The following TOLLIP variants were observed in gnomAD, a reference collection of about 807,000 sequenced individuals.
TOLLIP encodes the protein toll interacting protein, also known as toll-interacting protein.
A neutral mutation model predicts 33.5 loss-of-function variants in TOLLIP; 16 were observed. The ratio of observed to expected loss-of-function variants is 0.48; its 90% CI spans 0.32 to 0.72. The LOEUF is 0.72. Among genes scored for constraint, TOLLIP ranks in the 30% least tolerant of loss-of-function variants. The probability of loss-of-function intolerance (pLI) is 0.03; values close to 1 mark genes in which losing one functional copy is unlikely to be tolerated. For synonymous variants in TOLLIP, 176 were observed against 163.7 expected, an observed-to-expected ratio of 1.07 and a Z score of -0.57; for missense variants, 325 against 396.6, an observed-to-expected ratio of 0.82 and a Z score of 1.53.
rs569777034 is a variant in TOLLIP at position 1,290,438 on chromosome 11, A to T, written c.184-29T>A. On this transcript the variant is annotated intron_variant, in intron 2 of 5. Transcript: ENST00000317204. This position sits in a 1 kb window ranked among gnomAD's most constrained non-coding sequence, Gnocchi z 4.9. Reference sequence around the variant, plus strand: ...GAATGAAGCCAATGTCAGGAAAAGGAGGTGCCAACCATCAGGAGAGGGTGG... The same window carrying T: ...GAATGAAGCCAATGTCAGGAAAAGGTGGTGCCAACCATCAGGAGAGGGTGG... 1 of 1,605,786 alleles carries T rather than the reference A, an allele frequency of 6.2e-7. No homozygotes were observed. The highest frequency in any genetic ancestry group is 1.7e-5 in the Admixed American group (1 of 59,880).
rs56199234 is a variant in TOLLIP, at chr11:1,283,818, G to A, written c.610+2184C>T. On this transcript the variant is annotated intron_variant, in intron 5 of 5. Transcript: ENST00000317204. ...CCAAAAAGACAGCCACAGAGCGCCC[G>A]GCCCAGAAGTTGGAGGAGACGGGGA... Among the ~76,000 whole-genome samples, 778 of 152,286 alleles carry A rather than the reference G, an allele frequency of 5.1e-3. 7 individuals carry two copies. The highest frequency in any genetic ancestry group is 0.018 in the African/African-American group (739 of 41,560).
In TOLLIP at chr11:1,278,536, A is replaced by G. The variant is rs998936163; in HGVS notation, c.611-1283T>C. Among the ~76,000 whole-genome samples the G allele has an allele frequency of 2.2e-4, 34 of 152,274 alleles. No individual in the cohort carries two copies. The highest frequency in any genetic ancestry group is 7.2e-4 in the Admixed American group (11 of 15,300). On this transcript the variant is annotated intron_variant, in intron 5 of 5. Coordinates refer to ENST00000317204, the MANE Select transcript of TOLLIP (RefSeq NM_019009.4). This position sits in a 1 kb window ranked among gnomAD's most constrained non-coding sequence, Gnocchi z 4.7. ...GCCTCCTGCACCTGCTGCAAAGGCC[A>G]GGACTCCTCAGCAAGGAAGGCCACC...
At chr11:1,296,294 C>T (rs962484128) in intron 1 of TOLLIP, among the ~76,000 whole-genome samples, 1 of 152,150 alleles carries the variant, frequency 6.6e-6, no homozygotes, top group East Asian at 1.9e-4. Flanking sequence ...CAAAAGTATC[C>T]CAGAAGAACG....
intron 1 of TOLLIP, among the ~76,000 whole-genome samples, chr11:1,296,839 G>C (rs1290593537): frequency 1.5e-5 from 1 of 67,050 alleles, no homozygotes; most frequent in Non-Finnish European, 2.8e-5. Context: ...CCTGGTTGCT[G>C]GTGGAGTGGG....
intron 1 of TOLLIP, among the ~76,000 whole-genome samples, chr11:1,301,391 A>G (rs5743907): frequency 0.86 from 130,017 of 150,340 alleles, 56,641 homozygotes; most frequent in Non-Finnish European, 0.92. Flanking sequence ...CGGCATCCGC[A>G]GGCGCCTGCC....
chr11:1,295,810 C>T lies in TOLLIP; in HGVS notation c.34-16G>A. On this transcript the variant is annotated splice_polypyrimidine_tract_variant and intron_variant, in intron 1 of 5. Transcript: ENST00000317204. ...CGATGTACACCTGCGGGGCCGGGGA[C>T]CAGAGAGGCCAGTGAGTCAGGGTGG... 6.5e-7 allele frequency: 1 copy of T among 1,537,124 alleles called. No homozygotes were observed.
intron 1 of TOLLIP, among the ~76,000 whole-genome samples, chr11:1,298,822 T>A (rs558617412): frequency 6.6e-6 from 1 of 152,026 alleles, no homozygotes; most frequent in Non-Finnish European, 1.5e-5. Flanking sequence ...ACATCTGGGT[T>A]TTCTTCCCAA....
chr11:1,304,757 T>C (rs1415824613), intron 1 of TOLLIP, among the ~76,000 whole-genome samples: 1 of 152,144 alleles, frequency 6.6e-6, no homozygotes, highest in African/African-American at 2.4e-5. Flanking sequence ...AACAACTGAA[T>C]TTTTTAAAAC....
chr11:1,308,148 T>C (rs1469780492), intron 1 of TOLLIP, among the ~76,000 whole-genome samples: 1 of 152,220 alleles, frequency 6.6e-6, no homozygotes, highest in South Asian at 2.1e-4. Flanking sequence ...ACGGTTTGAA[T>C]CTGTGTCCCC....
At position 1,275,431 on chromosome 11, in the gene TOLLIP, C is replaced by G. The variant is rs947978501; in HGVS notation, c.*1608G>C. ...ACGTTCCAGTCCCGCCTGACACCTT[C>G]ATTCCCAATGGAGAAGAAATCTACA... On this transcript the variant is annotated 3_prime_UTR_variant, in exon 6 of 6. Transcript: ENST00000317204. 9.3e-5 allele frequency: 14 copies of G among 150,644 alleles called. No homozygotes were observed. The highest frequency in any genetic ancestry group is 3.4e-4 in the African/African-American group (14 of 40,768). 9.3% of individuals were successfully genotyped at this position (150,644 alleles called of 1,614,324 possible). A position where few individuals can be genotyped will look rare whatever the true frequency, so the allele number is the denominator to read the frequency against.
At chr11:1,309,267 G>A (rs1864520313) in intron 1 of TOLLIP, among the ~76,000 whole-genome samples, 199 bp downstream of exon 1, 1 of 152,084 alleles carries the variant, frequency 6.6e-6, no homozygotes. Context: ...GCCTCCTGCA[G>A]CGTGGGCGCG....
intron 5 of TOLLIP, among the ~76,000 whole-genome samples, chr11:1,281,049 C>T (rs936392847): frequency 9.8e-5 from 15 of 152,360 alleles, no homozygotes; most frequent in Non-Finnish European, 1.3e-4. Context: ...TGAGGCCACG[C>T]GGTCTCCAGA....
chr11:1,299,364 C>G (rs1864200282), intron 1 of TOLLIP, among the ~76,000 whole-genome samples: 1 of 152,154 alleles, frequency 6.6e-6, no homozygotes, highest in Non-Finnish European at 1.5e-5. Flanking sequence ...TAGAGCAAAG[C>G]CCTTCAAACG....
rs994353820 is a variant in TOLLIP, at chr11:1,278,018, C to T, written c.611-765G>A. 1.2e-4 allele frequency among the ~76,000 whole-genome samples: 19 copies of T among 152,286 alleles called. No individual in the cohort carries two copies. The highest frequency in any genetic ancestry group is 3.3e-4 in the Admixed American group (5 of 15,294). On this transcript the variant is annotated intron_variant, in intron 5 of 5. Coordinates refer to ENST00000317204, the MANE Select transcript of TOLLIP (RefSeq NM_019009.4). The surrounding 1 kb of genome is among the most constrained non-coding windows in gnomAD (Gnocchi z 4.7). ...CAGGCCCCTCGCCCCATGTCTGATGCGGGAGGACACACTGAGATGCAATCT... is the reference window on the plus strand; with the variant it reads ...CAGGCCCCTCGCCCCATGTCTGATGTGGGAGGACACACTGAGATGCAATCT...
rs1024368919 is a variant in TOLLIP, at chr11:1,278,197, G to A, written c.611-944C>T. On this transcript the variant is annotated intron_variant, in intron 5 of 5. Coordinates refer to ENST00000317204, the MANE Select transcript of TOLLIP (RefSeq NM_019009.4). The surrounding 1 kb of genome is among the most constrained non-coding windows in gnomAD (Gnocchi z 4.7). ...ACAGGCAGCGTGCGCGGGGCTCAGCGACCAGTGAGGCACAGAGCACAGGCA... is the reference window on the plus strand; with the variant it reads ...ACAGGCAGCGTGCGCGGGGCTCAGCAACCAGTGAGGCACAGAGCACAGGCA... Among the ~76,000 whole-genome samples, 6 of 151,288 alleles carry A rather than the reference G, an allele frequency of 4.0e-5. No individual in the cohort carries two copies. The highest frequency in any genetic ancestry group is 1.5e-4 in the African/African-American group (6 of 40,712).
chr11:1,289,106 C>G (rs759838134), intron 3 of TOLLIP, among the ~76,000 whole-genome samples: 1 of 152,172 alleles, frequency 6.6e-6, no homozygotes, highest in Non-Finnish European at 1.5e-5. Flanking sequence ...CCCCAGCCCT[C>G]GGGGCCCCAT....
chr11:1,308,409 G>A (rs1422950375), intron 1 of TOLLIP, among the ~76,000 whole-genome samples: 2 of 152,242 alleles, frequency 1.3e-5, no homozygotes, highest in East Asian at 1.9e-4. Flanking sequence ...CTCCCCAGGA[G>A]CAGATGCCGG....
At position 1,290,398 on chromosome 11, in the gene TOLLIP, G is replaced by C. The variant is rs1280847836; in HGVS notation, c.195C>G (p.Ala65=). 5 of 1,610,960 alleles carry C rather than the reference G, an allele frequency of 3.1e-6. No homozygotes were observed. The highest frequency in any genetic ancestry group is 4.2e-6 in the Non-Finnish European group (5 of 1,177,926). The stretch of plus-strand genomic sequence containing the variant: ...CCATGCGGGTCATGCCGTAATTCTT[G>C]GCCAACTTTGCCTGGAATGAAGCCA... The part of the protein sequence containing the change: ...LNITVVQAKL[A]KNYGMTRMDP... Residue 65 remains alanine, a synonymous_variant, in exon 3 of 6, where the codon GCC becomes GCG. Coordinates refer to ENST00000317204, the MANE Select transcript of TOLLIP (RefSeq NM_019009.4). The surrounding 1 kb of genome is among the most constrained non-coding windows in gnomAD (Gnocchi z 4.9).
chr11:1,285,911 G>A, intron 5 of TOLLIP, 91 bp downstream of exon 5: 2 of 936,334 alleles, frequency 2.1e-6, no homozygotes, highest in Non-Finnish European at 3.2e-6. Flanking sequence ...CCCCACCCCG[G>A]CGCTCTAAGC....
Sources: gnomAD v4.1 joint callset for allele counts (sites outside exome capture counted in the v4.1 genomes callset) on GRCh38, gnomAD v4.1.1 for gene constraint, Gnocchi (gnomAD v3.1) non-coding constraint, MANE v1.5 for transcripts, NCBI Gene and HGNC (gene_info 2026-07-23, HGNC 2026-07-21) for gene names.